The following ITGA1 variants were observed in gnomAD, a reference collection of about 807,000 sequenced individuals.
ITGA1 encodes integrin alpha-1.
Under a neutral mutation model 145.9 loss-of-function variants are expected in ITGA1, and 85 were observed. The ratio of observed to expected loss-of-function variants is 0.58; its 90% confidence interval spans 0.49 to 0.70. The LOEUF (loss-of-function observed/expected upper bound fraction) is 0.70, where lower values mean the gene tolerates loss of function less well. Among genes scored for constraint, ITGA1 ranks in the 30% least tolerant of loss-of-function variants. ITGA1 has a pLI of 0.00. For synonymous variants in ITGA1, 520 were observed against 495.3 expected, an observed-to-expected ratio of 1.05 and a Z score of -0.66; for missense variants, 1,351 against 1,418.7, an observed-to-expected ratio of 0.95 and a Z score of 0.77.
intron 14 of ITGA1, among the ~76,000 whole-genome samples, chr5:52,910,960 ACTAT>A (rs1750503844): frequency 1.5e-5 from 2 of 133,770 alleles, no homozygotes; most frequent in East Asian, 4.4e-4. Flanking sequence ...TAGTATATAC[ACTAT>A]ATATACTATA....
intron 1 of ITGA1, among the ~76,000 whole-genome samples, chr5:52,816,222 A>T (rs1301470451): frequency 6.6e-6 from 1 of 152,134 alleles, no homozygotes; most frequent in African/African-American, 2.4e-5. Context: ...TCTTTTTGGG[A>T]CTTAATATAT....
rs534003497 is a variant in ITGA1, at chr5:52,798,251, G to A, written c.61+9837G>A. Among the ~76,000 whole-genome samples, 7 of 152,302 alleles carry A rather than the reference G, an allele frequency of 4.6e-5. No individual in the cohort carries two copies. In the South Asian group the frequency reaches 1.4e-3, roughly 32 times the overall value. On this transcript the variant is annotated intron_variant, in intron 1 of 28. Transcript: ENST00000282588. ...ATTAGGAACTTCTTGAGGGTACTCA[G>A]TATGATAGGAAGGTGGGAAGAAGGA... is the stretch of plus-strand genomic sequence containing the variant.
At position 52,868,344 on chromosome 5, in the gene ITGA1, T is replaced by C. The variant is rs146839561; in HGVS notation, c.624+2527T>C. 4.6e-5 allele frequency among the ~76,000 whole-genome samples: 7 copies of C among 152,364 alleles called. No individual in the cohort carries two copies. In the East Asian group the frequency reaches 1.2e-3, roughly 25 times the overall value. On this transcript the variant is annotated intron_variant, in intron 6 of 28. Coordinates refer to ENST00000282588, the MANE Select transcript of ITGA1 (RefSeq NM_181501.2). ...AGAAAGAAAATCCATACGGCTCTTT[T>C]AGAACAATAATTACAGCTTCTGTGA...
intron 14 of ITGA1, among the ~76,000 whole-genome samples, chr5:52,913,038 G>T (rs368631629): frequency 6.6e-6 from 1 of 151,744 alleles, no homozygotes; most frequent in Non-Finnish European, 1.5e-5. Context: ...GAGCCACCGT[G>T]CCTGGCCGTA....
At chr5:52,908,417 G>A (rs1348892749) in intron 12 of ITGA1, among the ~76,000 whole-genome samples, 1 of 152,150 alleles carries the variant, frequency 6.6e-6, no homozygotes, top group African/African-American at 2.4e-5. Flanking sequence ...GCTGGGATAA[G>A]GCTTAACCAT....
intron 9 of ITGA1, 53 bp from the exon 10 acceptor site, chr5:52,897,402 G>C: frequency 8.4e-7 from 1 of 1,196,938 alleles, no homozygotes; most frequent in Non-Finnish European, 1.2e-6. Flanking sequence ...CAAGTCAGTA[G>C]TGCATGAAAA....
intron 1 of ITGA1, chr5:52,802,120 GTATT>G (rs1442173538): frequency 3.1e-6 from 1 of 318,976 alleles, no homozygotes; most frequent in Admixed American, 4.6e-5. Context: ...GAAAATGTGT[GTATT>G]TAAAGACGAT....
chr5:52,851,237 C>A (rs187361507), intron 2 of ITGA1, among the ~76,000 whole-genome samples: 328 of 152,238 alleles, frequency 2.2e-3, no homozygotes, highest in African/African-American at 7.6e-3. Context: ...CCAGTCCTGT[C>A]TCTGTGATTT....
At chr5:52,847,042 T>G (rs941507168) in intron 1 of ITGA1, among the ~76,000 whole-genome samples, 4 of 151,942 alleles carry the variant, frequency 2.6e-5, no homozygotes, top group African/African-American at 4.8e-5. Context: ...TAAAAAAAGG[T>G]AAGTAAGAGA....
chr5:52,933,706 A>G, intron 22 of ITGA1, 188 bp from the exon 23 acceptor site: 1 of 324,528 alleles, frequency 3.1e-6, no homozygotes, highest in Non-Finnish European at 5.7e-6. Context: ...TATTGAACTA[A>G]ATTACATAAT....
intron 7 of ITGA1, chr5:52,882,956 T>C (rs1443662260): frequency 6.6e-6 from 1 of 152,218 alleles, no homozygotes; most frequent in Non-Finnish European, 1.5e-5. Context: ...AAAAAGTTAA[T>C]AATGATCCTG....
intron 28 of ITGA1, among the ~76,000 whole-genome samples, chr5:52,949,210 A>C (rs1051248903): frequency 7.9e-5 from 12 of 152,170 alleles, no homozygotes; most frequent in Admixed American, 3.9e-4. Context: ...AATGCTTACT[A>C]TGTGCAGGGA....
intron 1 of ITGA1, among the ~76,000 whole-genome samples, chr5:52,798,124 T>C (rs533145678): frequency 1.3e-5 from 2 of 152,330 alleles, no homozygotes; most frequent in South Asian, 4.1e-4. Flanking sequence ...TAAAATACAG[T>C]GTCCTTTGGA....
At chr5:52,948,644 A>T (rs149336170) in intron 28 of ITGA1, among the ~76,000 whole-genome samples, 1 of 152,328 alleles carries the variant, frequency 6.6e-6, no homozygotes, top group African/African-American at 2.4e-5. Flanking sequence ...TTTATAAGGG[A>T]TCAGTGTTCT....
chr5:52,942,964 T>C (rs1180381439), intron 26 of ITGA1, among the ~76,000 whole-genome samples: 1 of 151,870 alleles, frequency 6.6e-6, no homozygotes, highest in Admixed American at 6.6e-5. Flanking sequence ...ATTCTAGGAG[T>C]TTTTTGGCAG....
intron 1 of ITGA1, among the ~76,000 whole-genome samples, chr5:52,820,521 A>AT (rs1234426315): frequency 5.4e-5 from 2 of 36,974 alleles, no homozygotes; most frequent in Non-Finnish European, 6.3e-5. Context: ...TTAAAGTATA[A>AT]TAAAAAAAAA....
chr5:52,925,461 C>T lies in ITGA1; in HGVS notation c.2587C>T (p.Pro863Ser), dbSNP rs201472852. Residue 863 changes from proline to serine, a missense_variant, in exon 19 of 29, where the codon CCA becomes TCA. Coordinates refer to ENST00000282588, the MANE Select transcript of ITGA1 (RefSeq NM_181501.2). ...YNTRTIVHYS[P>S]NLVFSGIEAI... The stretch of plus-strand genomic sequence containing the variant: ...CACCAGGACAATAGTGCATTATTCT[C>T]CAAATCTAGTTTTTTCAGGAATTGA... 3.3e-5 allele frequency: 53 copies of T among 1,613,496 alleles called. 1 individual carries two copies. In the South Asian group the frequency reaches 5.3e-4, roughly 16 times the overall value.
chr5:52,842,112 G>A (rs1749263526), intron 1 of ITGA1, among the ~76,000 whole-genome samples: 1 of 152,132 alleles, frequency 6.6e-6, no homozygotes, highest in Non-Finnish European at 1.5e-5. Context: ...CCTTAAAATA[G>A]GTTAGAGGGG....
At chr5:52,869,001 G>C (rs549625759) in intron 6 of ITGA1, among the ~76,000 whole-genome samples, 4 of 152,290 alleles carry the variant, frequency 2.6e-5, no homozygotes, top group African/African-American at 9.6e-5. Context: ...CCTTAATGGT[G>C]CTTCTGTCTA....
Sources: gnomAD v4.1 joint callset for allele counts (sites outside exome capture counted in the v4.1 genomes callset) on GRCh38, gnomAD v4.1.1 for gene constraint, MANE v1.5 for transcripts, NCBI Gene and HGNC (gene_info 2026-07-23, HGNC 2026-07-21) for gene names.